The following PIK3CG variants were observed in gnomAD, a reference collection of about 807,000 sequenced individuals.
PIK3CG encodes phosphatidylinositol 4,5-bisphosphate 3-kinase catalytic subunit gamma isoform.
Under a neutral mutation model 102.3 loss-of-function variants are expected in PIK3CG, and 55 were observed. The ratio of observed to expected loss-of-function variants is 0.54; its 90% confidence interval spans 0.43 to 0.67. The LOEUF (loss-of-function observed/expected upper bound fraction) is 0.67. Ranked by LOEUF, PIK3CG falls within the 30% of genes least tolerant of loss-of-function variation. The pLI, the probability that PIK3CG is intolerant of heterozygous loss-of-function variation, is 0.00. For missense variants in PIK3CG, 1,258 were observed against 1,391.8 expected (o/e 0.90, Z 1.53); for synonymous variants, 552 against 540.0 (o/e 1.02, Z -0.31).
Position 106,877,982 on chromosome 7 carries a change from A to C in PIK3CG, c.2392-1537A>C, listed in dbSNP as rs1790811646. On this transcript the variant is annotated intron_variant, in intron 5 of 10. Coordinates refer to ENST00000496166, the MANE Select transcript of PIK3CG (RefSeq NM_001282426.2). This position sits in a 1 kb window ranked among gnomAD's most constrained non-coding sequence, Gnocchi z 4.5. ...TAGATGAAATAATTTTTAACTATTC[A>C]CCTACATATTTACCATTTTTGGTAC... is the stretch of plus-strand genomic sequence containing the variant. Among the ~76,000 whole-genome samples, 1 of 152,194 alleles carries C rather than the reference A, an allele frequency of 6.6e-6. No individual in the cohort carries two copies. The highest frequency in any genetic ancestry group is 2.4e-5 in the African/African-American group (1 of 41,444).
Position 106,884,569 on chromosome 7 carries a change from A to G in PIK3CG, c.2872+303A>G, listed in dbSNP as rs1200176364. On this transcript the variant is annotated intron_variant, in intron 9 of 10. Coordinates refer to ENST00000496166, the MANE Select transcript of PIK3CG (RefSeq NM_001282426.2). The surrounding 1 kb of genome is among the most constrained non-coding windows in gnomAD (Gnocchi z 4.2). ...CATTGTGTAGGGACACTGGTGCTTC[A>G]GTTACTCTAGAGCAGTGGCCCCCAA... Among the ~76,000 whole-genome samples the G allele has an allele frequency of 6.6e-6, 1 of 152,078 alleles. No homozygotes were observed. Among genetic ancestry groups the G allele is most frequent in the East Asian group, 1.9e-4 (1 of 5,188 alleles).
In PIK3CG at chr7:106,872,957, C is replaced by T. The variant is rs2116490707; in HGVS notation, c.2287+19C>T. ...TCCCAAGGTACGGTGGCTATATTTT[C>T]TGTGTTCTCTTTCCAAATGCCTTCA... On this transcript the variant is annotated intron_variant, in intron 4 of 10. Coordinates refer to ENST00000496166, the MANE Select transcript of PIK3CG (RefSeq NM_001282426.2). This position sits in a 1 kb window ranked among gnomAD's most constrained non-coding sequence, Gnocchi z 5.3. The T allele has an allele frequency of 6.5e-7, 1 of 1,528,102 alleles. No homozygotes were observed. The highest frequency in any genetic ancestry group is 9.1e-7 in the Non-Finnish European group (1 of 1,102,296). 94.7% of individuals were successfully genotyped at this position (1,528,102 alleles called of 1,614,324 possible). A position where few individuals can be genotyped will look rare whatever the true frequency, so the allele number is the denominator to read the frequency against.
intron 10 of PIK3CG, among the ~76,000 whole-genome samples, chr7:106,889,719 T>C (rs767532829): frequency 9.9e-5 from 15 of 152,204 alleles, no homozygotes; most frequent in Non-Finnish European, 4.4e-5. Flanking sequence ...AACTAGTGGC[T>C]TGAGCATGGA....
intron 4 of PIK3CG, 119 bp downstream of exon 4, chr7:106,873,057 A>G (rs1562957237): frequency 9.8e-6 from 7 of 717,498 alleles, no homozygotes; most frequent in Non-Finnish European, 1.6e-5. Context: ...GGCACCAAGA[A>G]CACATTTTTG....
intron 10 of PIK3CG, among the ~76,000 whole-genome samples, chr7:106,904,902 A>C (rs1031955225): frequency 6.6e-6 from 1 of 152,110 alleles, no homozygotes; most frequent in Admixed American, 6.5e-5. Context: ...TTCCTTGAGC[A>C]CTCCCTGGAT....
At chr7:106,881,536 G>C (rs1790934657) in intron 6 of PIK3CG, among the ~76,000 whole-genome samples, 1 of 152,150 alleles carries the variant, frequency 6.6e-6, no homozygotes, top group Admixed American at 6.5e-5. Flanking sequence ...ATGAACCACA[G>C]CTAAAACCCA....
intron 10 of PIK3CG, among the ~76,000 whole-genome samples, chr7:106,886,625 A>G (rs889939158): frequency 1.3e-5 from 2 of 152,190 alleles, no homozygotes; most frequent in East Asian, 3.8e-4. Context: ...GTTAGCCACT[A>G]GATATTTGTC....
In PIK3CG at chr7:106,905,868, T is replaced by A; in HGVS notation, c.*481T>A. On this transcript the variant is annotated 3_prime_UTR_variant, in exon 11 of 11. Coordinates refer to ENST00000496166, the MANE Select transcript of PIK3CG (RefSeq NM_001282426.2). This position sits in a 1 kb window ranked among gnomAD's most constrained non-coding sequence, Gnocchi z 5.6. ...GATGCTTCCAAACATCTCCTTAGTG[T>A]CTGCAGGTGTTAGTGGTGTGCTAAA... The A allele has an allele frequency of 4.2e-6, 1 of 239,802 alleles. No individual in the cohort carries two copies. The highest frequency in any genetic ancestry group is 8.2e-6 in the Non-Finnish European group (1 of 122,400). 14.9% of individuals were successfully genotyped at this position (239,802 alleles called of 1,614,324 possible). A position where few individuals can be genotyped will look rare whatever the true frequency, so the allele number is the denominator to read the frequency against.
rs1329628189 is a variant in PIK3CG, at chr7:106,902,694, C to A, written c.3031-2415C>A. Among the ~76,000 whole-genome samples, 1 of 151,722 alleles carries A rather than the reference C, an allele frequency of 6.6e-6. No individual in the cohort carries two copies. The highest frequency in any genetic ancestry group is 2.4e-5 in the African/African-American group (1 of 41,262). ...TTTGTTATGTTTTTGGCCTGTATTT[C>A]TGGCCAATTATCTCTTTCTTATTGA... On this transcript the variant is annotated intron_variant, in intron 10 of 10. Coordinates refer to ENST00000496166, the MANE Select transcript of PIK3CG (RefSeq NM_001282426.2). The surrounding 1 kb of genome is among the most constrained non-coding windows in gnomAD (Gnocchi z 4.3).
At position 106,882,207 on chromosome 7, in the gene PIK3CG, G is replaced by GGTATGTA. The variant is rs763033145; in HGVS notation, c.2629+3_2629+9dup. The GGTATGTA allele has an allele frequency of 6.5e-7, 1 of 1,533,072 alleles. No individual in the cohort carries two copies. The highest frequency in any genetic ancestry group is 8.9e-7 in the Non-Finnish European group (1 of 1,123,692). 95.0% of individuals were successfully genotyped at this position (1,533,072 alleles called of 1,614,324 possible). The stretch of plus-strand genomic sequence containing the variant: ...TTGCATTTCAACTGGTGACAAAATA[G>GGTATGTA]GTATGTAGTTACCTCAGGAGATGAA... On this transcript the variant is annotated stop_gained and frameshift_variant and splice_region_variant. Coordinates refer to ENST00000496166, the MANE Select transcript of PIK3CG (RefSeq NM_001282426.2). LOFTEE classifies it high-confidence loss of function.
At chr7:106,878,327 C>T (rs1433377954) in intron 5 of PIK3CG, among the ~76,000 whole-genome samples, 2 of 152,020 alleles carry the variant, frequency 1.3e-5, no homozygotes, top group Admixed American at 1.3e-4. Context: ...TTATGATGTA[C>T]CCTGGTATGG....
rs1184325643 is a variant in PIK3CG at position 106,879,540 on chromosome 7, G to T, written c.2413G>T (p.Ala805Ser). Residue 805 changes from alanine to serine, a missense_variant, in exon 6 of 11, where the codon GCC (alanine) becomes TCC (serine). This residue lies in a region of PIK3CG where 426 missense variants were observed against 604.2 expected (regional missense o/e 0.71). Coordinates refer to ENST00000496166, the MANE Select transcript of PIK3CG (RefSeq NM_001282426.2). This position sits in a 1 kb window ranked among gnomAD's most constrained non-coding sequence, Gnocchi z 4.9. ...ALAIEKCKVM[A>S]SKKKPLWLEF... ...ACAGATTGAAAAATGTAAAGTAATG[G>T]CCTCCAAGAAAAAACCACTATGGCT... 1 of 1,613,554 alleles carries T rather than the reference G, an allele frequency of 6.2e-7. No individual in the cohort carries two copies. Among genetic ancestry groups the T allele is most frequent in the Non-Finnish European group, 8.5e-7 (1 of 1,179,628 alleles).
chr7:106,885,797 C>T (rs943463902), intron 9 of PIK3CG, among the ~76,000 whole-genome samples: 3 of 151,956 alleles, frequency 2.0e-5, no homozygotes, highest in Non-Finnish European at 2.9e-5. Context: ...TCCTGAGTTG[C>T]GTAAAGAGCA....
Position 106,893,839 on chromosome 7 carries a change from G to A in PIK3CG, c.3030+7547G>A, listed in dbSNP as rs959045852. On this transcript the variant is annotated intron_variant, in intron 10 of 10. Transcript: ENST00000496166. This position sits in a 1 kb window ranked among gnomAD's most constrained non-coding sequence, Gnocchi z 4.4. ...TCAGAGTGAACTTACACAAACCTAG[G>A]TGGTAGTCTTCCACACACCTAGGCT... Among the ~76,000 whole-genome samples the A allele has an allele frequency of 6.6e-6, 1 of 152,136 alleles. No individual in the cohort carries two copies. The highest frequency in any genetic ancestry group is 6.6e-5 in the Admixed American group (1 of 15,266).
chr7:106,869,297 G>T lies in PIK3CG; in HGVS notation c.1736G>T (p.Arg579Ile), dbSNP rs1790450725. 1.9e-6 allele frequency: 3 copies of T among 1,614,230 alleles called. No individual in the cohort carries two copies. The highest frequency in any genetic ancestry group is 2.5e-6 in the Non-Finnish European group (3 of 1,180,042). The change falls in exon 2 of 11, where the codon AGA (arginine) becomes ATA (isoleucine). Residue 579 changes from arginine (R) to isoleucine (I), a missense_variant. By Grantham distance (97) the Arg-to-Ile change is moderately conservative (BLOSUM62 -3). Around this residue, in one of 2 missense-constraint regions of PIK3CG, gnomAD observed 832 missense variants for 787.5 expected, o/e 1.06. Coordinates refer to ENST00000496166, the MANE Select transcript of PIK3CG (RefSeq NM_001282426.2). This position sits in a 1 kb window ranked among gnomAD's most constrained non-coding sequence, Gnocchi z 5.3. ...GACAAAGAATTGCTCTGGCATTTTAGATACGAAAGCCTTAAGCACCCAAAA... is the reference window on the plus strand; with the variant it reads ...GACAAAGAATTGCTCTGGCATTTTATATACGAAAGCCTTAAGCACCCAAAA... Reference protein sequence around the residue: ...AEDKELLWHFRYESLKHPKAY... With the variant: ...AEDKELLWHFIYESLKHPKAY...
At chr7:106,870,526 T>A (rs1270676370) in intron 2 of PIK3CG, among the ~76,000 whole-genome samples, 2 of 152,214 alleles carry the variant, frequency 1.3e-5, no homozygotes, top group Non-Finnish European at 2.9e-5. Context: ...CACAAATAGA[T>A]GTTTAATACC....
Position 106,872,552 on chromosome 7 carries a change from C to G in PIK3CG, c.2011C>G (p.Pro671Ala), listed in dbSNP as rs2116481945. Residue 671 changes from proline to alanine, a missense_variant, in exon 3 of 11, where the codon CCA (proline) becomes GCA (alanine). Physicochemically the swap from Pro to Ala is conservative, Grantham distance 27. This residue lies in a region of PIK3CG where 426 missense variants were observed against 604.2 expected (regional missense o/e 0.71). Coordinates refer to ENST00000496166, the MANE Select transcript of PIK3CG (RefSeq NM_001282426.2). This position sits in a 1 kb window ranked among gnomAD's most constrained non-coding sequence, Gnocchi z 5.3. ...LQLVQAVKFEPYHDSALARFL... is the reference protein window; with the variant it reads ...LQLVQAVKFEAYHDSALARFL... ...CTTCCTTTAGGCTGTGAAATTTGAA[C>G]CATACCATGATAGCGCCCTTGCCAG... The G allele has an allele frequency of 6.2e-7, 1 of 1,613,564 alleles. No homozygotes were observed. The highest frequency in any genetic ancestry group is 1.7e-5 in the Admixed American group (1 of 60,026).
chr7:106,871,089 A>G (rs1790517098), intron 2 of PIK3CG, among the ~76,000 whole-genome samples: 1 of 152,244 alleles, frequency 6.6e-6, no homozygotes, highest in African/African-American at 2.4e-5. Flanking sequence ...GAAAGAGGTC[A>G]ATACATAATA....
Position 106,897,438 on chromosome 7 carries a change from C to T in PIK3CG, c.3031-7671C>T, listed in dbSNP as rs1037251220. ...TGAAAGTTTGTTACATAGGTAAACACATGTCACAGGGGTTTGTTGTACACA... is the reference window on the plus strand; with the variant it reads ...TGAAAGTTTGTTACATAGGTAAACATATGTCACAGGGGTTTGTTGTACACA... On this transcript the variant is annotated intron_variant, in intron 10 of 10. Transcript: ENST00000496166. The surrounding 1 kb of genome is among the most constrained non-coding windows in gnomAD (Gnocchi z 4.6). 6.6e-6 allele frequency among the ~76,000 whole-genome samples: 1 copy of T among 152,124 alleles called. No individual in the cohort carries two copies. Among genetic ancestry groups the T allele is most frequent in the South Asian group, 2.1e-4 (1 of 4,828 alleles).
Sources: allele counts gnomAD v4.1 joint callset (sites outside exome capture counted in the v4.1 genomes callset), GRCh38; gene constraint gnomAD v4.1.1; regional missense constraint gnomAD v4.1.1; non-coding constraint Gnocchi (gnomAD v3.1); transcripts MANE v1.5; gene names NCBI Gene and HGNC (gene_info 2026-07-23, HGNC 2026-07-21).